GRAMD4: variants seen among roughly 807,000 people sequenced by gnomAD.
GRAMD4 encodes the protein GRAM domain containing 4, also known as GRAM domain-containing protein 4.
A neutral mutation model predicts 83.9 loss-of-function variants in GRAMD4; 25 were observed. The ratio of observed to expected loss-of-function variants is 0.30; its 90% CI spans 0.22 to 0.42. The LOEUF is 0.42. Ranked by LOEUF, GRAMD4 falls within the 10% of genes least tolerant of loss-of-function variation. The probability of loss-of-function intolerance (pLI) is 1.00; values close to 1 mark genes in which losing one functional copy is unlikely to be tolerated. For synonymous variants in GRAMD4, 336 were observed against 320.9 expected, an observed-to-expected ratio of 1.05 and a Z score of -0.50; for missense variants, 593 against 788.7, an observed-to-expected ratio of 0.75 and a Z score of 2.97.
At chr22:46,629,706 G>C (rs1260802754) in intron 2 of GRAMD4, among the ~76,000 whole-genome samples, 2 of 152,110 alleles carry the variant, frequency 1.3e-5, no homozygotes, top group Non-Finnish European at 2.9e-5. Flanking sequence ...TGCGACTCAG[G>C]GGTTTCTATT....
In GRAMD4 at chr22:46,678,430, C is replaced by G; in HGVS notation, c.*1179C>G. On this transcript the variant is annotated 3_prime_UTR_variant, in exon 19 of 19. Transcript: ENST00000406902. ...CCGCCCTGCCCCAGGGAAGCCTGGG[C>G]TTCCCGGGAACAAGGTGGCATTTGT... The G allele has an allele frequency of 2.0e-6, 2 of 985,288 alleles. No individual in the cohort carries two copies. The highest frequency in any genetic ancestry group is 2.4e-6 in the Non-Finnish European group (2 of 829,886). The allele number at this position is 985,288 out of a possible 1,614,324, so 61.0% of individuals were successfully genotyped here. A position where few individuals can be genotyped will look rare whatever the true frequency, so the allele number is the denominator to read the frequency against.
intron 1 of GRAMD4, among the ~76,000 whole-genome samples, chr22:46,581,268 A>G (rs1284523628): frequency 6.6e-6 from 1 of 152,246 alleles, no homozygotes; most frequent in Non-Finnish European, 1.5e-5. Context: ...AGTAATAGAA[A>G]TCACTCATTC....
At chr22:46,607,457 G>A (rs1350766600) in intron 1 of GRAMD4, among the ~76,000 whole-genome samples, 1 of 152,186 alleles carries the variant, frequency 6.6e-6, no homozygotes, top group Non-Finnish European at 1.5e-5. Context: ...AGGCTGGTGT[G>A]TAGGGATTGA....
chr22:46,605,089 C>T (rs1324892331), intron 1 of GRAMD4, among the ~76,000 whole-genome samples: 60 of 105,004 alleles, frequency 5.7e-4, no homozygotes, highest in African/African-American at 1.5e-3. Flanking sequence ...TCACCCAGGT[C>T]TTGGTGCCAT....
At chr22:46,608,701 C>T (rs1322024645) in intron 1 of GRAMD4, among the ~76,000 whole-genome samples, 6 of 152,002 alleles carry the variant, frequency 3.9e-5, no homozygotes, top group African/African-American at 9.7e-5. Context: ...GTGTGCGTAG[C>T]TGGCCAATAT....
intron 4 of GRAMD4, among the ~76,000 whole-genome samples, chr22:46,658,816 C>T (rs1320991713): frequency 6.6e-6 from 1 of 151,618 alleles, no homozygotes; most frequent in Non-Finnish European, 1.5e-5. Context: ...GCCCCCCTGC[C>T]CCCATCCTAG....
At chr22:46,649,899 A>G (rs1340269706) in intron 3 of GRAMD4, among the ~76,000 whole-genome samples, 2 of 152,174 alleles carry the variant, frequency 1.3e-5, no homozygotes, top group Non-Finnish European at 2.9e-5. Flanking sequence ...ATGAAGCCGT[A>G]CTCTGGGCTC....
intron 14 of GRAMD4, 91 bp from the exon 15 acceptor site, chr22:46,673,579 A>T (rs1220934139): frequency 2.7e-6 from 4 of 1,475,066 alleles, no homozygotes; most frequent in Non-Finnish European, 3.7e-6. Context: ...TTTGGATCCC[A>T]GCTTTTGGGG....
chr22:46,631,144 T>G (rs1428589408), intron 2 of GRAMD4, among the ~76,000 whole-genome samples: 2 of 152,270 alleles, frequency 1.3e-5, no homozygotes, highest in Non-Finnish European at 2.9e-5. Flanking sequence ...TTTTTATTTG[T>G]TGTGGTAAAA....
chr22:46,635,017 G>A lies in GRAMD4; in HGVS notation c.163-2823G>A, dbSNP rs572082415. Among the ~76,000 whole-genome samples, 8 of 152,088 alleles carry A rather than the reference G, an allele frequency of 5.3e-5. No individual in the cohort carries two copies. In the East Asian group the frequency reaches 5.8e-4, roughly 11 times the overall value. On this transcript the variant is annotated intron_variant, in intron 2 of 18. Transcript: ENST00000406902. ...GCACGCTTTTGAACTAGAGAGCAGC[G>A]GGCTGGGAGCCCAAGTGTCCTTCGT...
At chr22:46,575,867 T>C (rs1275831222), upstream of GRAMD4, 3 of 152,282 alleles carry the variant, frequency 2.0e-5, no homozygotes, top group South Asian at 6.2e-4. Context: ...ACCTGAGCCT[T>C]GGAGAAGTAC....
At chr22:46,676,482 T>A in intron 17 of GRAMD4, 118 bp from the exon 18 acceptor site, 1 of 791,566 alleles carries the variant, frequency 1.3e-6, no homozygotes, top group Non-Finnish European at 2.1e-6. Flanking sequence ...AAGTCCCAGG[T>A]GCCCGTGGGC....
chr22:46,638,614 G>T (rs1422257891), intron 3 of GRAMD4, among the ~76,000 whole-genome samples: 1 of 152,204 alleles, frequency 6.6e-6, no homozygotes, highest in African/African-American at 2.4e-5. Context: ...AGGCACAGAG[G>T]GTTCACAAAG....
At chr22:46,576,380 G>C (rs1320781269), upstream of GRAMD4, among the ~76,000 whole-genome samples, 1 of 141,714 alleles carries the variant, frequency 7.1e-6, no homozygotes, top group African/African-American at 2.7e-5. Flanking sequence ...CGGGGTGGTG[G>C]GTGGTTTTTC....
At chr22:46,643,826 C>T (rs1414186180) in intron 3 of GRAMD4, among the ~76,000 whole-genome samples, 1 of 152,118 alleles carries the variant, frequency 6.6e-6, no homozygotes, top group African/African-American at 2.4e-5. Flanking sequence ...TACATGATGC[C>T]ATTTTGTCCC....
chr22:46,599,382 G>T (rs1388659874), intron 1 of GRAMD4, among the ~76,000 whole-genome samples: 2 of 151,630 alleles, frequency 1.3e-5, no homozygotes, highest in Non-Finnish European at 2.9e-5. Context: ...GCAGTGTCAC[G>T]ATCTTGGCTC....
chr22:46,612,052 G>A (rs944923894), intron 1 of GRAMD4, among the ~76,000 whole-genome samples: 1 of 151,236 alleles, frequency 6.6e-6, no homozygotes, highest in Non-Finnish European at 1.5e-5. Flanking sequence ...TGCCCAGGCT[G>A]GAGTGCAGTG....
chr22:46,585,884 A>G (rs1467787553), intron 1 of GRAMD4, among the ~76,000 whole-genome samples: 2 of 152,194 alleles, frequency 1.3e-5, no homozygotes, highest in African/African-American at 4.8e-5. Context: ...GCCTCTGTGC[A>G]AGGCTCCTGG....
rs181277667 is a variant in GRAMD4, at chr22:46,633,159, C to T, written c.163-4681C>T. Among the ~76,000 whole-genome samples the T allele has an allele frequency of 4.6e-4, 70 of 152,322 alleles. No individual in the cohort carries two copies. The East Asian group carries it at 0.013, about 27-fold the overall frequency. On this transcript the variant is annotated intron_variant, in intron 2 of 18. Transcript: ENST00000406902. ...TCCAACTGTTTTCCCCAGGCCTCCC[C>T]GAAAGTATGCCACAGCCCAGGCTCC...
Sources: gnomAD v4.1 joint callset for allele counts (sites outside exome capture counted in the v4.1 genomes callset) on GRCh38, gnomAD v4.1.1 for gene constraint, MANE v1.5 for transcripts, NCBI Gene and HGNC (gene_info 2026-07-23, HGNC 2026-07-21) for gene names.